The following LCLAT1 variants were observed in gnomAD, a reference collection of about 807,000 sequenced individuals.
LCLAT1 encodes the protein 1-AGP acyltransferase 8.
A neutral mutation model predicts 30.7 loss-of-function variants in LCLAT1; 11 were observed. The observed-to-expected ratio is 0.36, with a 90% CI of 0.23 to 0.59. The LOEUF (loss-of-function observed/expected upper bound fraction) is 0.59, where lower values mean the gene tolerates loss of function less well. Among genes scored for constraint, LCLAT1 ranks in the 20% least tolerant of loss-of-function variants. The pLI, the probability that LCLAT1 is intolerant of heterozygous loss-of-function variation, is 0.77. For missense variants in LCLAT1, 402 were observed against 458.6 expected (o/e 0.88, Z 1.13); for synonymous variants, 155 against 151.3 (o/e 1.02, Z -0.18).
intron 1 of LCLAT1, chr2:30,489,207 A>C (rs1558471122): frequency 6.6e-6 from 1 of 152,188 alleles, no homozygotes; most frequent in Admixed American, 6.5e-5. Flanking sequence ...GTACCATACA[A>C]GTGAGTGGGC....
chr2:30,464,588 G>A lies in LCLAT1; in HGVS notation c.-5+17205G>A, dbSNP rs557898792. 2.6e-5 allele frequency among the ~76,000 whole-genome samples: 4 copies of A among 152,256 alleles called. No homozygotes were observed. The South Asian group carries it at 6.2e-4, about 24-fold the overall frequency. On this transcript the variant is annotated intron_variant, in intron 1 of 5. Transcript: ENST00000379509. ...CTGTTTTTATTTGCATGTCAGATAC[G>A]TGCAGATAGGTAGTTTGAGACTACA...
rs958729823 is a variant in LCLAT1 at position 30,528,527 on chromosome 2, T to C, written c.165+2772T>C. ...TGTGATTCTTGTGTTTAAAGATAGA[T>C]ATTTTTAAACAATATACAAACCAAT... On this transcript the variant is annotated intron_variant, in intron 2 of 5. Coordinates refer to ENST00000379509, the MANE Select transcript of LCLAT1 (RefSeq NM_001002257.3). 2.0e-5 allele frequency among the ~76,000 whole-genome samples: 3 copies of C among 152,324 alleles called. 1 individual carries two copies. In the East Asian group the frequency reaches 5.8e-4, roughly 29 times the overall value.
At chr2:30,626,313 G>GTT (rs1330138749) in intron 5 of LCLAT1, among the ~76,000 whole-genome samples, 1 of 152,086 alleles carries the variant, frequency 6.6e-6, no homozygotes, top group Admixed American at 6.5e-5. Context: ...AATATACTTT[G>GTT]TTACTGCTCT....
intron 3 of LCLAT1, among the ~76,000 whole-genome samples, chr2:30,538,570 G>A (rs1041581218): frequency 6.6e-6 from 1 of 152,042 alleles, no homozygotes; most frequent in Non-Finnish European, 1.5e-5. Context: ...AGGAGGTGGA[G>A]GTTGCAGTGA....
At position 30,527,408 on chromosome 2, in the gene LCLAT1, A is replaced by G. The variant is rs541495364; in HGVS notation, c.165+1653A>G. Among the ~76,000 whole-genome samples the G allele has an allele frequency of 1.1e-3, 162 of 152,344 alleles. 3 individuals carry two copies. The highest frequency in any genetic ancestry group is 8.6e-3 in the Admixed American group (131 of 15,298). On this transcript the variant is annotated intron_variant, in intron 2 of 5. Coordinates refer to ENST00000379509, the MANE Select transcript of LCLAT1 (RefSeq NM_001002257.3). The stretch of plus-strand genomic sequence containing the variant: ...ATTTTCTAAATGTCATCAGTTTTCT[A>G]TAGTATATAATCCTTTAATTATGAA...
At chr2:30,507,777 G>A (rs1041618165) in intron 1 of LCLAT1, among the ~76,000 whole-genome samples, 9 of 152,172 alleles carry the variant, frequency 5.9e-5, no homozygotes, top group Non-Finnish European at 4.4e-5. Flanking sequence ...ACATACACAT[G>A]CATGTGTCTT....
At chr2:30,585,402 G>A (rs1223896074) in intron 5 of LCLAT1, among the ~76,000 whole-genome samples, 1 of 152,142 alleles carries the variant, frequency 6.6e-6, no homozygotes, top group African/African-American at 2.4e-5. Context: ...CTGGAGAGGG[G>A]AGACTTAGCA....
chr2:30,627,254 C>G (rs1222428426), intron 5 of LCLAT1, among the ~76,000 whole-genome samples: 2 of 152,150 alleles, frequency 1.3e-5, no homozygotes, highest in Non-Finnish European at 2.9e-5. Flanking sequence ...TCCCCCAGTT[C>G]CCCATTGGTC....
intron 3 of LCLAT1, among the ~76,000 whole-genome samples, chr2:30,538,808 T>C (rs945843891): frequency 3.3e-5 from 5 of 152,004 alleles, no homozygotes; most frequent in Admixed American, 6.6e-5. Context: ...CCTGAACATA[T>C]AAACTTTCAA....
At chr2:30,510,037 A>G (rs750054995) in intron 1 of LCLAT1, among the ~76,000 whole-genome samples, 25 of 152,200 alleles carry the variant, frequency 1.6e-4, no homozygotes, top group Non-Finnish European at 3.2e-4. Flanking sequence ...TGGTTTGTTT[A>G]GTAGCAAGGA....
intron 5 of LCLAT1, among the ~76,000 whole-genome samples, chr2:30,618,800 A>G (rs932931298): frequency 4.6e-5 from 7 of 152,212 alleles, no homozygotes; most frequent in African/African-American, 1.7e-4. Context: ...AACCTTGCTA[A>G]ATCTACTTAC....
In LCLAT1 at chr2:30,641,899, T is replaced by C. The variant is rs1669328994; in HGVS notation, c.*1280T>C. ...TTGGAGCTGCACACTTTTTTTTCTTTTTTTTTTTCTTTTTTTTTTTGTCGT... is the reference window on the plus strand; with the variant it reads ...TTGGAGCTGCACACTTTTTTTTCTTCTTTTTTTTCTTTTTTTTTTTGTCGT... On this transcript the variant is annotated 3_prime_UTR_variant, in exon 6 of 6. Transcript: ENST00000379509. 1 of 95,384 alleles carries C rather than the reference T, an allele frequency of 1.0e-5. No homozygotes were observed. The highest frequency in any genetic ancestry group is 3.8e-4 in the South Asian group (1 of 2,618). 5.9% of individuals were successfully genotyped at this position (95,384 alleles called of 1,614,324 possible).
intron 5 of LCLAT1, among the ~76,000 whole-genome samples, chr2:30,587,401 T>C (rs1368069285): frequency 6.6e-6 from 1 of 152,230 alleles, no homozygotes; most frequent in East Asian, 1.9e-4. Flanking sequence ...GGATTATTTT[T>C]GGTAACTATT....
rs1447260393 is a variant in LCLAT1, at chr2:30,629,396, C to T, written c.629-10721C>T. Among the ~76,000 whole-genome samples, 3 of 152,074 alleles carry T rather than the reference C, an allele frequency of 2.0e-5. No homozygotes were observed. The East Asian group carries it at 5.8e-4, about 29-fold the overall frequency. On this transcript the variant is annotated intron_variant, in intron 5 of 5. Coordinates refer to ENST00000379509, the MANE Select transcript of LCLAT1 (RefSeq NM_001002257.3). ...CCAACGTGGCGAAACCCTGTCTCTA[C>T]TAAAAATACAAAAATTAGCCGGGCA...
intron 5 of LCLAT1, among the ~76,000 whole-genome samples, chr2:30,581,924 G>T (rs1558534344): frequency 6.6e-6 from 1 of 152,166 alleles, no homozygotes; most frequent in African/African-American, 2.4e-5. Context: ...CTCAACACAG[G>T]AAGTAAGTGT....
At chr2:30,526,005 C>G (rs1046139250) in intron 2 of LCLAT1, among the ~76,000 whole-genome samples, 4 of 152,172 alleles carry the variant, frequency 2.6e-5, no homozygotes, top group African/African-American at 9.7e-5. Flanking sequence ...TCTGTGCATC[C>G]TCAGTACAGG....
intron 5 of LCLAT1, among the ~76,000 whole-genome samples, chr2:30,636,435 G>A (rs1000120140): frequency 5.9e-5 from 9 of 152,156 alleles, no homozygotes; most frequent in African/African-American, 2.2e-4. Context: ...TGCTATTTAA[G>A]CCTCACAACA....
At chr2:30,481,270 TG>T (rs1332674190) in intron 1 of LCLAT1, among the ~76,000 whole-genome samples, 3 of 152,206 alleles carry the variant, frequency 2.0e-5, no homozygotes, top group African/African-American at 7.2e-5. Context: ...GGATTTACAT[TG>T]TAAGATTACA....
At chr2:30,460,530 C>T (rs1353089987) in intron 1 of LCLAT1, among the ~76,000 whole-genome samples, 1 of 152,130 alleles carries the variant, frequency 6.6e-6, no homozygotes, top group Non-Finnish European at 1.5e-5. Flanking sequence ...TAATAGTCTC[C>T]ATTTCTTGTG....
Sources: gnomAD v4.1 joint callset for allele counts (sites outside exome capture counted in the v4.1 genomes callset) on GRCh38, gnomAD v4.1.1 for gene constraint, MANE v1.5 for transcripts, NCBI Gene and HGNC (gene_info 2026-07-23, HGNC 2026-07-21) for gene names.